The following CRYBG1 variants were observed in gnomAD, a reference collection of about 807,000 sequenced individuals.
The protein encoded by CRYBG1 is crystallin beta-gamma domain containing 1, also known as beta/gamma crystallin domain-containing protein 1.
A neutral mutation model predicts 189.2 loss-of-function variants in CRYBG1; 139 were observed. That is an observed-to-expected ratio of 0.73 (90% CI 0.64 to 0.85). CRYBG1 has a LOEUF of 0.85. CRYBG1 is among the 40% of genes least tolerant of loss of function. The pLI, the probability that CRYBG1 is intolerant of heterozygous loss-of-function variation, is 0.00. For missense variants in CRYBG1, 2,611 were observed against 2,675.8 expected (o/e 0.98, Z 0.53); for synonymous variants, 1,023 against 1,017.1 (o/e 1.01, Z -0.11).
rs33971164 is a variant in CRYBG1 at position 106,504,029 on chromosome 6, G to GAAAAAAAAAAAAAA, written c.313-7395_313-7382dup. Among the ~76,000 whole-genome samples, 2 of 88,550 alleles carry GAAAAAAAAAAAAAA rather than the reference G, an allele frequency of 2.3e-5. 1 individual carries two copies. The highest frequency in any genetic ancestry group is 4.5e-5 in the Non-Finnish European group (2 of 44,126). The allele number at this position is 88,550 out of a possible 152,430, so 58.1% of individuals were successfully genotyped here. A position where few individuals can be genotyped will look rare whatever the true frequency, so the allele number is the denominator to read the frequency against. ...TGTTTGGCCTGAAGTGACAGCATTA[G>GAAAAAAAAAAAAAA]AAAAAAAAAAAAAAAAAAACCACAA... On this transcript the variant is annotated intron_variant, in intron 2 of 21. Transcript: ENST00000633556.
chr6:106,402,883 A>G (rs1770748273), intron 1 of CRYBG1, among the ~76,000 whole-genome samples: 1 of 152,180 alleles, frequency 6.6e-6, no homozygotes, highest in African/African-American at 2.4e-5. Context: ...TGTGATGAGC[A>G]CAACCTCCGA....
intron 18 of CRYBG1, among the ~76,000 whole-genome samples, chr6:106,559,968 G>A (rs1258490190): frequency 6.7e-6 from 1 of 150,306 alleles, no homozygotes; most frequent in Admixed American, 6.6e-5. Flanking sequence ...GGTGGTGCAC[G>A]CCTGTAGTCC....
intron 1 of CRYBG1, among the ~76,000 whole-genome samples, chr6:106,406,668 A>T (rs534300365): frequency 9.8e-5 from 15 of 152,388 alleles, no homozygotes; most frequent in African/African-American, 3.6e-4. Flanking sequence ...AGGGAAGCCC[A>T]TCAGACTAAC....
intron 2 of CRYBG1, among the ~76,000 whole-genome samples, 186 bp from the exon 3 acceptor site, chr6:106,511,244 A>C (rs1318600124): frequency 6.6e-6 from 1 of 152,358 alleles, no homozygotes; most frequent in African/African-American, 2.4e-5. Context: ...TAAGGTGTTT[A>C]AGCAAAATTC....
intron 2 of CRYBG1, among the ~76,000 whole-genome samples, chr6:106,510,828 A>C (rs1463455177): frequency 6.6e-6 from 1 of 152,158 alleles, no homozygotes; most frequent in Non-Finnish European, 1.5e-5. Flanking sequence ...CTCCCATTGG[A>C]GCTCCGGCTA....
chr6:106,545,920 T>C (rs1170618775), intron 13 of CRYBG1, among the ~76,000 whole-genome samples: 1 of 152,166 alleles, frequency 6.6e-6, no homozygotes, highest in Non-Finnish European at 1.5e-5. Context: ...GCTCAGGTGA[T>C]CCACCCGCCT....
intron 2 of CRYBG1, among the ~76,000 whole-genome samples, chr6:106,467,518 AAAAT>A (rs1051633998): frequency 4.6e-5 from 7 of 152,072 alleles, no homozygotes; most frequent in Non-Finnish European, 8.8e-5. Context: ...AAAGAAAGAG[AAAAT>A]AAATTCTTCA....
At chr6:106,541,086 T>C (rs1202980481) in intron 9 of CRYBG1, 1 of 332,276 alleles carries the variant, frequency 3.0e-6, no homozygotes, top group Non-Finnish European at 6.0e-6. Flanking sequence ...TAAGCCCTGG[T>C]TGCAAAATCA....
intron 2 of CRYBG1, among the ~76,000 whole-genome samples, chr6:106,502,096 T>C (rs1442733913): frequency 1.3e-5 from 2 of 152,108 alleles, no homozygotes; most frequent in African/African-American, 4.8e-5. Context: ...GCAGGCTGTG[T>C]TAGTTGTCTC....
intron 18 of CRYBG1, among the ~76,000 whole-genome samples, chr6:106,559,432 A>G (rs1027478121): frequency 7.2e-5 from 11 of 152,088 alleles, no homozygotes; most frequent in Non-Finnish European, 1.6e-4. Context: ...CACAAAAACA[A>G]TAGGTATGGT....
intron 2 of CRYBG1, among the ~76,000 whole-genome samples, chr6:106,483,618 A>C (rs963597936): frequency 1.3e-5 from 2 of 152,002 alleles, no homozygotes; most frequent in African/African-American, 4.8e-5. Context: ...GGCTGTACTA[A>C]TTTATAATCC....
chr6:106,424,230 AT>A (rs912867972), intron 1 of CRYBG1, among the ~76,000 whole-genome samples: 6 of 152,036 alleles, frequency 3.9e-5, no homozygotes, highest in African/African-American at 9.7e-5. Flanking sequence ...AATAAAATGT[AT>A]TTTTTTCTCC....
intron 8 of CRYBG1, among the ~76,000 whole-genome samples, chr6:106,539,142 T>G (rs890988369): frequency 6.6e-6 from 1 of 152,184 alleles, no homozygotes; most frequent in African/African-American, 2.4e-5. Flanking sequence ...TAGATGGAAC[T>G]TTGGAGCAAT....
chr6:106,478,931 C>G (rs919890022), intron 2 of CRYBG1, among the ~76,000 whole-genome samples: 1 of 152,154 alleles, frequency 6.6e-6, no homozygotes, highest in African/African-American at 2.4e-5. Context: ...CTGGGACCGT[C>G]TAGTTGCAGG....
intron 16 of CRYBG1, among the ~76,000 whole-genome samples, chr6:106,553,977 G>A (rs1253353539): frequency 6.6e-6 from 1 of 152,156 alleles, no homozygotes; most frequent in African/African-American, 2.4e-5. Context: ...ATACCAGTCC[G>A]GCTTGCTGGG....
intron 15 of CRYBG1, 73 bp from the exon 16 acceptor site, chr6:106,553,379 GTCA>G (rs1335831655): frequency 5.3e-6 from 5 of 945,088 alleles, no homozygotes; most frequent in Non-Finnish European, 8.4e-6. Context: ...TCATGTTTAG[GTCA>G]TCATTTCAAA....
intron 1 of CRYBG1, among the ~76,000 whole-genome samples, chr6:106,385,654 G>A (rs923341917): frequency 3.3e-5 from 5 of 152,290 alleles, no homozygotes; most frequent in South Asian, 2.1e-4. Context: ...CATTGTAAAC[G>A]TCGGTAGACT....
chr6:106,510,666 G>A (rs1173559124), intron 2 of CRYBG1, among the ~76,000 whole-genome samples: 2 of 152,208 alleles, frequency 1.3e-5, no homozygotes, highest in Non-Finnish European at 2.9e-5. Context: ...GGCTCTAGGG[G>A]GCGGTGAGCA....
chr6:106,377,409 T>A (rs1400029862), intron 1 of CRYBG1, among the ~76,000 whole-genome samples: 1 of 152,134 alleles, frequency 6.6e-6, no homozygotes, highest in Non-Finnish European at 1.5e-5. Context: ...CAGCTCTAGA[T>A]CTGAGTCATG....
Sources: gnomAD v4.1 joint callset for allele counts (sites outside exome capture counted in the v4.1 genomes callset) on GRCh38, gnomAD v4.1.1 for gene constraint, MANE v1.5 for transcripts, NCBI Gene and HGNC (gene_info 2026-07-23, HGNC 2026-07-21) for gene names.